TEX14: variants seen among roughly 807,000 people sequenced by gnomAD.
TEX14 encodes the protein inactive serine/threonine-protein kinase TEX14.
In TEX14, 168 loss-of-function variants were observed where a neutral mutation model predicts 178.6. The ratio of observed to expected loss-of-function variants is 0.94; its 90% CI spans 0.83 to 1.07. The LOEUF (loss-of-function observed/expected upper bound fraction) is 1.07, where lower values mean the gene tolerates loss of function less well. TEX14 is among the 50% of genes least tolerant of loss of function. The pLI, the probability that TEX14 is intolerant of heterozygous loss-of-function variation, is 0.00. For synonymous variants in TEX14, 626 were observed against 634.1 expected (o/e 0.99, Z 0.19); for missense variants, 1,730 against 1,753.6 (o/e 0.99, Z 0.24).
chr17:58,671,692 G>T (rs565381990), intron 1 of TEX14, among the ~76,000 whole-genome samples: 1 of 151,970 alleles, frequency 6.6e-6, no homozygotes, highest in South Asian at 2.1e-4. Flanking sequence ...CTTTCTCTGG[G>T]TCTCTGTGGA....
At chr17:58,639,262 T>C (rs1432675886) in intron 2 of TEX14, among the ~76,000 whole-genome samples, 2 of 152,036 alleles carry the variant, frequency 1.3e-5, no homozygotes, top group African/African-American at 4.8e-5. Flanking sequence ...CGCAAAGGCA[T>C]GACAATGATA....
chr17:58,625,970 G>A (rs553819926), intron 3 of TEX14, among the ~76,000 whole-genome samples: 65 of 151,080 alleles, frequency 4.3e-4, no homozygotes, highest in African/African-American at 1.5e-3. Flanking sequence ...GGATGGTCTC[G>A]ATCTCCTGAC....
At chr17:58,624,561 C>T (rs985373428) in intron 3 of TEX14, among the ~76,000 whole-genome samples, 6 of 151,684 alleles carry the variant, frequency 4.0e-5, no homozygotes, top group Non-Finnish European at 8.8e-5. Context: ...AGGCTGGTCT[C>T]GAACTCCTGA....
chr17:58,618,129 C>A (rs2045916536), intron 5 of TEX14, among the ~76,000 whole-genome samples: 1 of 152,200 alleles, frequency 6.6e-6, no homozygotes, highest in African/African-American at 2.4e-5. Context: ...TCATTAGAAA[C>A]TCTGAGCCAG....
At chr17:58,662,727 G>A (rs1002712765) in intron 1 of TEX14, among the ~76,000 whole-genome samples, 10 of 152,118 alleles carry the variant, frequency 6.6e-5, no homozygotes, top group Admixed American at 5.2e-4. Context: ...AGGAAGGAAG[G>A]GTTGATGCTC....
intron 2 of TEX14, chr17:58,631,723 T>G (rs553445177): frequency 6.8e-6 from 1 of 147,774 alleles, no homozygotes; most frequent in Admixed American, 6.8e-5. Flanking sequence ...AACACTGCTA[T>G]CCCACTCGTG....
intron 1 of TEX14, chr17:58,660,284 C>G (rs2143356197): frequency 5.9e-6 from 1 of 170,630 alleles, no homozygotes; most frequent in East Asian, 1.5e-4. Context: ...GCCTGTAATC[C>G]CAGCTACTCG....
chr17:58,681,757 C>T (rs186452738), intron 1 of TEX14, among the ~76,000 whole-genome samples: 1 of 151,824 alleles, frequency 6.6e-6, no homozygotes, highest in African/African-American at 2.4e-5. Context: ...GAAGGAGAAT[C>T]GCTTGAACCT....
Position 58,569,096 on chromosome 17 carries a change from A to G in TEX14, c.3886+96T>C. 1 of 1,054,544 alleles carries G rather than the reference A, an allele frequency of 9.5e-7. No homozygotes were observed. The allele number at this position is 1,054,544 out of a possible 1,614,324, so 65.3% of individuals were successfully genotyped here. ...CAACCAGGCCATCATACAGCCTTTT[A>G]TACTAGTGTTCACACTTGAGACAAA... is the stretch of plus-strand genomic sequence containing the variant. On this transcript the variant is annotated intron_variant, in intron 26 of 31. Coordinates refer to ENST00000349033, the MANE Select transcript of TEX14 (RefSeq NM_031272.5). The surrounding 1 kb of genome is among the most constrained non-coding windows in gnomAD (Gnocchi z 4.1).
chr17:58,615,408 T>A, intron 7 of TEX14, 63 bp from the exon 8 acceptor site: 1 of 963,556 alleles, frequency 1.0e-6, no homozygotes. Flanking sequence ...CTTCAATGAA[T>A]AAGCTTTCCT....
In TEX14 at chr17:58,557,650, A is replaced by C. The variant is rs538862987; in HGVS notation, c.4319+149T>G. 4 of 591,556 alleles carry C rather than the reference A, an allele frequency of 6.8e-6. No individual in the cohort carries two copies. In the South Asian group the frequency reaches 9.7e-5, roughly 14 times the overall value. The allele number at this position is 591,556 out of a possible 1,614,324, so 36.6% of individuals were successfully genotyped here. On this transcript the variant is annotated intron_variant, in intron 31 of 31. Coordinates refer to ENST00000349033, the MANE Select transcript of TEX14 (RefSeq NM_031272.5). The stretch of plus-strand genomic sequence containing the variant: ...TTCACTTTATAGTTTAATTAACTAT[A>C]AACACTAACATTTTAAAAATTAAGC...
At chr17:58,613,589 T>A (rs1382880811) in intron 8 of TEX14, 45 bp from the exon 9 acceptor site, 2 of 1,577,456 alleles carry the variant, frequency 1.3e-6, no homozygotes, top group Admixed American at 1.8e-5. Context: ...GAGAGGAGGA[T>A]ATGATGAAAA....
intron 11 of TEX14, 149 bp downstream of exon 11, chr17:58,604,828 TG>T (rs1411274429): frequency 2.3e-6 from 2 of 865,712 alleles, no homozygotes; most frequent in Non-Finnish European, 3.5e-6. Context: ...CCCAAAGTGC[TG>T]GGATTACAGG....
At chr17:58,684,826 AT>A (rs1285217695) in intron 1 of TEX14, among the ~76,000 whole-genome samples, 1 of 151,748 alleles carries the variant, frequency 6.6e-6, no homozygotes, top group East Asian at 2.0e-4. Context: ...AAATACAAAA[AT>A]TAGCTGGGCG....
At chr17:58,629,750 G>A (rs1452531420) in intron 3 of TEX14, among the ~76,000 whole-genome samples, 1 of 150,954 alleles carries the variant, frequency 6.6e-6, no homozygotes, top group Non-Finnish European at 1.5e-5. Flanking sequence ...CAGGAGAATG[G>A]CGTGAACTCG....
At chr17:58,605,211 A>T in intron 10 of TEX14, 82 bp from the exon 11 acceptor site, 1 of 1,484,454 alleles carries the variant, frequency 6.7e-7, no homozygotes, top group Non-Finnish European at 9.1e-7. Flanking sequence ...TCTTTCATTC[A>T]TTCAGAGTCT....
At chr17:58,661,562 C>T (rs369102467) in intron 1 of TEX14, 107 of 742,128 alleles carry the variant, frequency 1.4e-4, no homozygotes, top group Admixed American at 9.6e-4. Flanking sequence ...CTCGGGGAGC[C>T]GCGGCGGCGG....
intron 24 of TEX14, among the ~76,000 whole-genome samples, chr17:58,571,235 C>CTTTTCT (rs2044517037): frequency 1.6e-5 from 2 of 127,262 alleles, no homozygotes; most frequent in Admixed American, 1.7e-4. Context: ...CTTTTCTTTT[C>CTTTTCT]TTTTTTTTTT....
At position 58,584,489 on chromosome 17, in the gene TEX14, G is replaced by A. The variant is rs747556300; in HGVS notation, c.3171+11C>T. 6.3e-7 allele frequency: 1 copy of A among 1,599,726 alleles called. No homozygotes were observed. The highest frequency in any genetic ancestry group is 1.1e-5 in the South Asian group (1 of 90,800). ...TGGGTTCAACTTGGCTTTCCAGGCA[G>A]TATTACTTACACTGTAAGATTTCTC... On this transcript the variant is annotated intron_variant, in intron 19 of 31. Transcript: ENST00000349033.
Sources: gnomAD v4.1 joint callset for allele counts (sites outside exome capture counted in the v4.1 genomes callset) on GRCh38, gnomAD v4.1.1 for gene constraint, Gnocchi (gnomAD v3.1) non-coding constraint, MANE v1.5 for transcripts, NCBI Gene and HGNC (gene_info 2026-07-23, HGNC 2026-07-21) for gene names.